KDM5C: variants seen among roughly 807,000 people sequenced by gnomAD.
KDM5C encodes lysine-specific demethylase 5C.
Under a neutral mutation model 110.6 loss-of-function variants are expected in KDM5C, and 16 were observed. The observed-to-expected ratio is 0.14, with a 90% CI of 0.10 to 0.22. KDM5C has a LOEUF of 0.22. Among genes scored for constraint, KDM5C ranks in the 10% least tolerant of loss-of-function variants. The pLI, the probability that KDM5C is intolerant of heterozygous loss-of-function variation, is 1.00. For missense variants in KDM5C, 681 were observed against 1,300.9 expected, an observed-to-expected ratio of 0.52 and a Z score of 7.33; for synonymous variants, 511 against 520.4, an observed-to-expected ratio of 0.98 and a Z score of 0.24.
At chrX:53,188,602 T>C (rs1355321242), downstream of KDM5C, among the ~76,000 whole-genome samples, 2 of 110,847 alleles carry the variant, frequency 1.8e-5, no homozygotes, top group African/African-American at 3.3e-5. Context: ...CTCGAACTCC[T>C]GACCTCAGGT....
chrX:53,195,948 G>A lies in KDM5C; in HGVS notation c.3088C>T (p.Arg1030Trp), dbSNP rs782388435. ...QALKEALAKA[R>W]AWIADVDEIQ... Reference sequence around the variant, plus strand: ...TCATCAACATCAGCAATCCAGGCCCGGGCCTTAGCAAGAGCCTCCTTGAGA... The same window carrying A: ...TCATCAACATCAGCAATCCAGGCCCAGGCCTTAGCAAGAGCCTCCTTGAGA... The change falls in exon 20 of 26, where the codon CGG (arginine) becomes TGG (tryptophan). Residue 1030 changes from arginine (R) to tryptophan (W), a missense_variant. This residue lies in a region of KDM5C where 66 missense variants were observed against 162.9 expected (regional missense o/e 0.41). Coordinates refer to ENST00000375401, the MANE Select transcript of KDM5C (RefSeq NM_004187.5). 9.9e-6 allele frequency: 12 copies of A among 1,209,097 alleles called. No homozygotes were observed. Among genetic ancestry groups the A allele is most frequent in the Non-Finnish European group, 1.1e-5 (10 of 893,842 alleles).
chrX:53,201,955 A>T lies in KDM5C; in HGVS notation c.1765T>A (p.Cys589Ser). The T allele has an allele frequency of 8.3e-7, 1 of 1,212,063 alleles. No homozygotes were observed. The highest frequency in any genetic ancestry group is 1.1e-6 in the Non-Finnish European group (1 of 895,530). Reference sequence around the variant, plus strand: ...AAGGTGATGACAAACTCTCCTGCACACTGGTTTGTGCGGACAACCTGAAGA... The same window carrying T: ...AAGGTGATGACAAACTCTCCTGCACTCTGGTTTGTGCGGACAACCTGAAGA... ...HGVPVVRTNQ[C>S]AGEFVITFPR... Residue 589 changes from cysteine to serine, a missense_variant, in exon 13 of 26, where the codon TGT becomes AGT. Physicochemically the swap from Cys to Ser is moderately radical, Grantham distance 112 (BLOSUM62 -1). Transcript: ENST00000375401.
chrX:53,180,910 A>G (rs1210927657), intron 25 of KDM5C, among the ~76,000 whole-genome samples: 2 of 105,952 alleles, frequency 1.9e-5, no homozygotes, highest in Non-Finnish European at 3.9e-5. Context: ...TTGTATTTTT[A>G]GTAGAGACGG....
At chrX:53,210,891 G>T in intron 10 of KDM5C, 34 bp from the exon 11 acceptor site, 1 of 1,150,406 alleles carries the variant, frequency 8.7e-7, no homozygotes, top group Non-Finnish European at 1.2e-6. Flanking sequence ...AAGGGCATGA[G>T]GGTTATGCTA....
At chrX:53,183,422 T>G (rs1274871142) in intron 25 of KDM5C, among the ~76,000 whole-genome samples, 2 of 106,805 alleles carry the variant, frequency 1.9e-5, no homozygotes, top group Admixed American at 1.0e-4. Flanking sequence ...GCCACTGCAC[T>G]CCAGCCTGGG....
At chrX:53,201,100 C>T (rs2073126089) in intron 14 of KDM5C, among the ~76,000 whole-genome samples, 1 of 112,338 alleles carries the variant, frequency 8.9e-6, no homozygotes. Flanking sequence ...AACCTTACAT[C>T]TTGCAAGTTA....
intron 8 of KDM5C, among the ~76,000 whole-genome samples, chrX:53,213,253 T>C (rs1556849894): frequency 8.9e-6 from 1 of 111,856 alleles, no homozygotes; most frequent in Non-Finnish European, 1.9e-5. Flanking sequence ...GAGAGTCAAG[T>C]AGAGTCGACA....
chrX:53,180,425 T>C (rs1556825466), intron 25 of KDM5C, among the ~76,000 whole-genome samples: 1 of 111,776 alleles, frequency 8.9e-6, no homozygotes, highest in African/African-American at 3.3e-5. Flanking sequence ...GTAAGCTATG[T>C]ACTTGACCAA....
chrX:53,194,059 A>G, intron 23 of KDM5C, 80 bp downstream of exon 23: 1 of 1,135,224 alleles, frequency 8.8e-7, no homozygotes, highest in Non-Finnish European at 1.2e-6. Flanking sequence ...ATTGGAGAAC[A>G]AGGGGCAGGG....
chrX:53,201,691 G>A lies in KDM5C; in HGVS notation c.1920C>T (p.Cys640=), dbSNP rs1556841822. 2 of 1,212,134 alleles carry A rather than the reference G, an allele frequency of 1.6e-6. No homozygotes were observed. The highest frequency in any genetic ancestry group is 1.8e-5 in the South Asian group (1 of 57,037). Residue 640 remains cysteine, a synonymous_variant, in exon 14 of 26, where the codon TGC becomes TGT. Coordinates refer to ENST00000375401, the MANE Select transcript of KDM5C (RefSeq NM_004187.5). ...AGATAAGCTCCTCATGGGAGAAGAC[G>A]CAGTATCTCCGGAGCCGGCGGTAGT... ...IEHYRRLRRY[C]VFSHEELICK...
chrX:53,192,839 T>TGGGGG lies in KDM5C; in HGVS notation c.*127_*128insCCCCC, dbSNP rs2146809188. On this transcript the variant is annotated 3_prime_UTR_variant, in exon 26 of 26. Coordinates refer to ENST00000375401, the MANE Select transcript of KDM5C (RefSeq NM_004187.5). The stretch of plus-strand genomic sequence containing the variant: ...ATACAAAAGTCAAGGGACTCAGGGG[T>TGGGGG]GGGCGGGTAGCAGGGATGGCCACCC... 2 of 879,052 alleles carry TGGGGG rather than the reference T, an allele frequency of 2.3e-6. No individual in the cohort carries two copies. The highest frequency in any genetic ancestry group is 3.1e-6 in the Non-Finnish European group (2 of 646,896). The allele number at this position is 879,052 out of a possible 1,213,427, so 72.4% of individuals were successfully genotyped here. A position where few individuals can be genotyped will look rare whatever the true frequency, so the allele number is the denominator to read the frequency against.
intron 12 of KDM5C, among the ~76,000 whole-genome samples, chrX:53,208,499 CTTTTTTTTTTTTT>C (rs67574134): frequency 2.1e-5 from 1 of 48,298 alleles, no homozygotes; most frequent in South Asian, 2.9e-3. Flanking sequence ...TCAGAGAATC[CTTTTTTTTTTTTT>C]TTTTTTTTTG....
downstream of KDM5C, among the ~76,000 whole-genome samples, chrX:53,190,392 G>A (rs1035435659): frequency 3.6e-5 from 4 of 112,432 alleles, no homozygotes; most frequent in Non-Finnish European, 7.5e-5. Flanking sequence ...GGAGGCCTCC[G>A]TCCTGGGCCA....
chrX:53,224,648 C>A, intron 1 of KDM5C, 92 bp downstream of exon 1: 1 of 1,095,414 alleles, frequency 9.1e-7, no homozygotes, highest in South Asian at 1.9e-5. Context: ...CCTCTCCCCA[C>A]CTCGAGCTGC....
chrX:53,200,766 C>G (rs1333495423), intron 14 of KDM5C, among the ~76,000 whole-genome samples: 1 of 112,355 alleles, frequency 8.9e-6, no homozygotes, highest in Non-Finnish European at 1.9e-5. Context: ...AGTCAATTCC[C>G]TAACTGGGCA....
chrX:53,205,882 T>G (rs1348846866), intron 12 of KDM5C, among the ~76,000 whole-genome samples: 4 of 111,491 alleles, frequency 3.6e-5, no homozygotes, highest in Non-Finnish European at 7.5e-5. Flanking sequence ...TTAGAAGGGG[T>G]CTTACTATGC....
rs372525287 is a variant in KDM5C at position 53,224,948 on chromosome X, G to A, written c.-59C>T. The A allele has an allele frequency of 7.1e-6, 8 of 1,129,002 alleles. No homozygotes were observed. Among genetic ancestry groups the A allele is most frequent in the East Asian group, 6.5e-5 (2 of 30,999 alleles). The allele number at this position is 1,129,002 out of a possible 1,213,427, so 93.0% of individuals were successfully genotyped here. On this transcript the variant is annotated 5_prime_UTR_variant, in exon 1 of 26. Coordinates refer to ENST00000375401, the MANE Select transcript of KDM5C (RefSeq NM_004187.5). The stretch of plus-strand genomic sequence containing the variant: ...GCTTGGACCGCCCTTAAGGACTCAT[G>A]GCGCCGCCGCTGTTTGAAGCCGAGG...
chrX:53,190,577 C>T (rs1167481891), downstream of KDM5C, among the ~76,000 whole-genome samples: 5 of 111,904 alleles, frequency 4.5e-5, no homozygotes, highest in African/African-American at 1.3e-4. Context: ...CTCCAACCCC[C>T]TTTTCATGAT....
intron 25 of KDM5C, among the ~76,000 whole-genome samples, chrX:53,179,364 C>CAA (rs1933973582): frequency 9.1e-6 from 1 of 109,915 alleles, no homozygotes. Context: ...AATGAGAAAA[C>CAA]AAACTATAGA....
Sources: allele counts gnomAD v4.1 joint callset (sites outside exome capture counted in the v4.1 genomes callset), GRCh38; gene constraint gnomAD v4.1.1; regional missense constraint gnomAD v4.1.1; transcripts MANE v1.5; gene names NCBI Gene and HGNC (gene_info 2026-07-23, HGNC 2026-07-21).